Variants in CTNNA2 observed in about 807,000 individuals in gnomAD.
CTNNA2 encodes catenin alpha-2.
A neutral mutation model predicts 101.0 loss-of-function variants in CTNNA2; 42 were observed. That is an observed-to-expected ratio of 0.42 (90% CI 0.32 to 0.54). The LOEUF (loss-of-function observed/expected upper bound fraction) is 0.54, where lower values mean the gene tolerates loss of function less well. Among genes scored for constraint, CTNNA2 ranks in the 20% least tolerant of loss-of-function variants. CTNNA2 has a pLI of 0.14. For synonymous variants in CTNNA2, 450 were observed against 456.4 expected, an observed-to-expected ratio of 0.99 and a Z score of 0.18; for missense variants, 871 against 1,223.1, an observed-to-expected ratio of 0.71 and a Z score of 4.29.
chr2:79,740,374 A>G (rs1292104681), intron 2 of CTNNA2, among the ~76,000 whole-genome samples: 3 of 152,266 alleles, frequency 2.0e-5, no homozygotes, highest in South Asian at 2.1e-4. Flanking sequence ...TTCTTTACCC[A>G]TAGAAGAGCA....
chr2:80,181,841 A>C (rs1705806010), intron 7 of CTNNA2, among the ~76,000 whole-genome samples: 1 of 152,168 alleles, frequency 6.6e-6, no homozygotes, highest in South Asian at 2.1e-4. Context: ...GCCAAGGACT[A>C]TCAGTGTTCT....
intron 7 of CTNNA2, among the ~76,000 whole-genome samples, chr2:80,333,405 T>C (rs772325025): frequency 3.9e-5 from 6 of 152,174 alleles, no homozygotes; most frequent in Non-Finnish European, 8.8e-5. Context: ...AGAGTACTTA[T>C]AGTTTGTTTA....
chr2:80,215,592 C>A (rs972804641), intron 7 of CTNNA2, among the ~76,000 whole-genome samples: 3 of 152,172 alleles, frequency 2.0e-5, no homozygotes, highest in African/African-American at 7.2e-5. Flanking sequence ...TGCAGAATGG[C>A]AAATGTTGCT....
intron 4 of CTNNA2, among the ~76,000 whole-genome samples, chr2:79,462,921 T>A (rs1231320645): frequency 6.6e-6 from 1 of 152,236 alleles, no homozygotes; most frequent in Non-Finnish European, 1.5e-5. Flanking sequence ...GGATGTGTCC[T>A]TTTAATGCCA....
intron 9 of CTNNA2, among the ~76,000 whole-genome samples, chr2:80,453,634 C>G (rs1289529375): frequency 6.6e-6 from 1 of 152,064 alleles, no homozygotes; most frequent in Non-Finnish European, 1.5e-5. Flanking sequence ...TAGCAACGTG[C>G]TTAAATAGGA....
At chr2:79,806,357 A>T (rs757080664) in intron 3 of CTNNA2, among the ~76,000 whole-genome samples, 6 of 152,178 alleles carry the variant, frequency 3.9e-5, no homozygotes, top group Admixed American at 6.5e-5. Flanking sequence ...AGAGAGGTGT[A>T]TGTGTTCAGA....
intron 8 of CTNNA2, among the ~76,000 whole-genome samples, chr2:80,408,249 A>C (rs76817802): frequency 6.6e-6 from 1 of 152,184 alleles, no homozygotes. Context: ...TGTGGAATGC[A>C]TGACATGTGG....
chr2:80,349,922 T>C (rs572374750), intron 7 of CTNNA2, among the ~76,000 whole-genome samples: 1 of 152,308 alleles, frequency 6.6e-6, no homozygotes, highest in South Asian at 2.1e-4. Flanking sequence ...TTTGAAATTG[T>C]GATGGCTAGT....
chr2:79,643,181 C>A (rs2104431326), intron 1 of CTNNA2, among the ~76,000 whole-genome samples: 1 of 151,966 alleles, frequency 6.6e-6, no homozygotes, highest in African/African-American at 2.4e-5. Flanking sequence ...CAGAGCAAGG[C>A]TCCGTCTCAA....
At chr2:80,131,809 G>A (rs1272542681) in intron 7 of CTNNA2, among the ~76,000 whole-genome samples, 5 of 152,018 alleles carry the variant, frequency 3.3e-5, no homozygotes, top group Non-Finnish European at 5.9e-5. Flanking sequence ...AGCCGGGCAC[G>A]GTGGCTCATG....
At chr2:79,411,038 C>T (rs960730534) in intron 4 of CTNNA2, among the ~76,000 whole-genome samples, 24 of 151,800 alleles carry the variant, frequency 1.6e-4, no homozygotes, top group African/African-American at 4.4e-4. Context: ...GGAGAGTGTA[C>T]GTGTTGAGGA....
chr2:80,237,220 C>T (rs2149084932), intron 7 of CTNNA2, among the ~76,000 whole-genome samples: 1 of 152,192 alleles, frequency 6.6e-6, no homozygotes, highest in East Asian at 1.9e-4. Context: ...TGGTCCCAGC[C>T]CTGCTAATAT....
chr2:80,304,026 G>T, intron 7 of CTNNA2: 1 of 500,698 alleles, frequency 2.0e-6, no homozygotes, highest in Non-Finnish European at 3.4e-6. Context: ...GGGCAGCATA[G>T]AAAGTTCACA....
intron 7 of CTNNA2, among the ~76,000 whole-genome samples, chr2:80,019,675 T>C (rs888616013): frequency 6.6e-5 from 10 of 152,174 alleles, no homozygotes; most frequent in Non-Finnish European, 1.2e-4. Flanking sequence ...ACCATCACCC[T>C]GATGACAGTT....
intron 4 of CTNNA2, among the ~76,000 whole-genome samples, chr2:79,385,649 C>T: frequency 6.6e-6 from 1 of 151,988 alleles, no homozygotes. Flanking sequence ...GCCCCACATG[C>T]ATTAGGTATT....
intron 2 of CTNNA2, among the ~76,000 whole-genome samples, chr2:79,222,497 G>C (rs1317216740): frequency 2.0e-5 from 3 of 152,188 alleles, no homozygotes; most frequent in Non-Finnish European, 4.4e-5. Flanking sequence ...GACCCATCCA[G>C]CTTTCTACAG....
intron 3 of CTNNA2, among the ~76,000 whole-genome samples, chr2:79,829,876 C>A (rs1206030942): frequency 1.3e-5 from 2 of 151,898 alleles, no homozygotes; most frequent in Non-Finnish European, 2.9e-5. Flanking sequence ...CCTGCCACCA[C>A]GCCCGGCTAA....
At chr2:80,571,652 T>C (rs1294885917) in intron 12 of CTNNA2, among the ~76,000 whole-genome samples, 11 of 152,196 alleles carry the variant, frequency 7.2e-5, no homozygotes, top group African/African-American at 2.2e-4. Flanking sequence ...TCACACGATA[T>C]TGTTTTTCCC....
rs552869716 is a variant in CTNNA2 at position 80,580,532 on chromosome 2, G to A, written c.1894-1174G>A. Among the ~76,000 whole-genome samples, 71 of 152,196 alleles carry A rather than the reference G, an allele frequency of 4.7e-4. No homozygotes were observed. The South Asian group carries it at 7.9e-3, about 17-fold the overall frequency. ...TTATTAACTAATTTAGGGATATGGGGCAAATGGCTTAACTTCTTTGCACCT... is the reference window on the plus strand; with the variant it reads ...TTATTAACTAATTTAGGGATATGGGACAAATGGCTTAACTTCTTTGCACCT... On this transcript the variant is annotated intron_variant, in intron 13 of 18. Coordinates refer to ENST00000402739, the MANE Select transcript of CTNNA2 (RefSeq NM_001282597.3).
Sources: allele counts gnomAD v4.1 joint callset (sites outside exome capture counted in the v4.1 genomes callset), GRCh38; gene constraint gnomAD v4.1.1; transcripts MANE v1.5; gene names NCBI Gene and HGNC (gene_info 2026-07-23, HGNC 2026-07-21).